RANBP17: variants seen among roughly 807,000 people sequenced by gnomAD.
RANBP17 encodes RAN binding protein 17, also known as ran-binding protein 17.
RANBP17 carries 158 observed loss-of-function variants against 141.2 expected under a neutral mutation model. That is an observed-to-expected ratio of 1.12 (90% CI 0.98 to 1.28). The LOEUF (loss-of-function observed/expected upper bound fraction) is 1.28. RANBP17 is among the 50% of genes most tolerant of loss of function. RANBP17 has a pLI of 0.00. For missense variants in RANBP17, 1,438 were observed against 1,290.7 expected (o/e 1.11, Z -1.75); for synonymous variants, 430 against 450.0 (o/e 0.96, Z 0.56).
At chr5:170,952,757 A>G (rs896215804) in intron 12 of RANBP17, among the ~76,000 whole-genome samples, 5 of 152,078 alleles carry the variant, frequency 3.3e-5, no homozygotes, top group African/African-American at 4.8e-5. Flanking sequence ...GAATAGCATA[A>G]AATTTGTTTT....
chr5:171,161,061 G>A (rs1385614879), intron 14 of RANBP17, among the ~76,000 whole-genome samples: 1 of 152,096 alleles, frequency 6.6e-6, no homozygotes, highest in Admixed American at 6.5e-5. Context: ...TAAAGTGCTG[G>A]GATTACAGGC....
intron 14 of RANBP17, among the ~76,000 whole-genome samples, chr5:170,987,466 A>G (rs1048053639): frequency 6.6e-6 from 1 of 151,598 alleles, no homozygotes; most frequent in Non-Finnish European, 1.5e-5. Context: ...TTTATTGTTC[A>G]GGGATTTGTT....
intron 14 of RANBP17, among the ~76,000 whole-genome samples, chr5:171,007,668 C>T (rs986529994): frequency 2.6e-5 from 4 of 151,972 alleles, no homozygotes; most frequent in Non-Finnish European, 5.9e-5. Context: ...GCCCATTTTT[C>T]GACAAAAATT....
chr5:170,966,658 A>C (rs1028497895), intron 13 of RANBP17, among the ~76,000 whole-genome samples: 3 of 151,696 alleles, frequency 2.0e-5, no homozygotes, highest in African/African-American at 4.8e-5. Flanking sequence ...CTCTCTCACC[A>C]CTCCTATTCA....
chr5:171,238,685 T>G (rs1764690195), intron 22 of RANBP17, among the ~76,000 whole-genome samples: 1 of 152,184 alleles, frequency 6.6e-6, no homozygotes, highest in African/African-American at 2.4e-5. Flanking sequence ...TAAATTGAAT[T>G]TGAGGCAAAG....
chr5:171,067,739 A>G (rs1387953726), intron 14 of RANBP17, among the ~76,000 whole-genome samples: 1 of 151,972 alleles, frequency 6.6e-6, no homozygotes, highest in South Asian at 2.1e-4. Flanking sequence ...ATGTTTTCTG[A>G]TGAGAAACCT....
chr5:171,158,029 A>G (rs1176997143), intron 14 of RANBP17, among the ~76,000 whole-genome samples: 1 of 152,226 alleles, frequency 6.6e-6, no homozygotes, highest in Non-Finnish European at 1.5e-5. Flanking sequence ...ATTACAGGCA[A>G]TGCTTCCAGT....
At chr5:171,088,391 T>C (rs987768242) in intron 14 of RANBP17, among the ~76,000 whole-genome samples, 3 of 152,148 alleles carry the variant, frequency 2.0e-5, no homozygotes, top group Non-Finnish European at 2.9e-5. Context: ...TGGCTGCCCT[T>C]AACATTTTTT....
chr5:171,238,820 ATTATCCTTCAAAC>A (rs1332499551), intron 22 of RANBP17, among the ~76,000 whole-genome samples: 1 of 152,166 alleles, frequency 6.6e-6, no homozygotes, highest in Non-Finnish European at 1.5e-5. Flanking sequence ...GGCAACTTCA[ATTATCCTTCAAAC>A]TTAGCCTGTT....
intron 14 of RANBP17, among the ~76,000 whole-genome samples, chr5:171,112,154 A>G (rs1483033825): frequency 6.6e-6 from 1 of 152,118 alleles, no homozygotes; most frequent in Non-Finnish European, 1.5e-5. Flanking sequence ...ATTGTGAGCC[A>G]TGGTGGATAC....
chr5:171,001,852 A>C (rs1289592025), intron 14 of RANBP17, among the ~76,000 whole-genome samples: 1 of 152,144 alleles, frequency 6.6e-6, no homozygotes, highest in East Asian at 1.9e-4. Flanking sequence ...AAGGGAAGAA[A>C]TGACCGCAGT....
intron 22 of RANBP17, among the ~76,000 whole-genome samples, chr5:171,239,980 C>G (rs1764766269): frequency 1.3e-5 from 2 of 152,136 alleles, no homozygotes; most frequent in Non-Finnish European, 2.9e-5. Context: ...AATTCTAGCC[C>G]ACAACCATAA....
chr5:171,161,111 C>A (rs1759318227), intron 14 of RANBP17, among the ~76,000 whole-genome samples: 1 of 152,134 alleles, frequency 6.6e-6, no homozygotes, highest in Non-Finnish European at 1.5e-5. Flanking sequence ...AAAAATCATT[C>A]TGTCAAATAT....
chr5:170,912,284 A>G (rs1220163145), intron 7 of RANBP17, among the ~76,000 whole-genome samples: 1 of 151,968 alleles, frequency 6.6e-6, no homozygotes, highest in East Asian at 1.9e-4. Flanking sequence ...GGAAATCTGA[A>G]TAAGATTGTG....
chr5:171,051,786 T>C (rs1451609868), intron 14 of RANBP17, among the ~76,000 whole-genome samples: 1 of 152,146 alleles, frequency 6.6e-6, no homozygotes, highest in East Asian at 1.9e-4. Context: ...ATATGGTAAT[T>C]CTTTAACTGA....
intron 14 of RANBP17, among the ~76,000 whole-genome samples, chr5:171,150,061 G>C (rs1758361666): frequency 6.6e-6 from 1 of 152,100 alleles, no homozygotes; most frequent in Non-Finnish European, 1.5e-5. Context: ...TGCTTTTCTT[G>C]TATTCAGATT....
At chr5:170,897,224 C>G in intron 5 of RANBP17, 1 of 664,174 alleles carries the variant, frequency 1.5e-6, no homozygotes, top group Admixed American at 1.8e-5. Flanking sequence ...TTTTGGCAGT[C>G]TGTATCAAGA....
chr5:171,236,633 A>AG, intron 22 of RANBP17, among the ~76,000 whole-genome samples: 1 of 152,164 alleles, frequency 6.6e-6, no homozygotes, highest in South Asian at 2.1e-4. Context: ...GTGAACTTAC[A>AG]GGAAAAAAAA....
chr5:171,246,463 T>A (rs1299239285), intron 24 of RANBP17, among the ~76,000 whole-genome samples: 1 of 152,230 alleles, frequency 6.6e-6, no homozygotes, highest in Non-Finnish European at 1.5e-5. Context: ...CTGTACTGCT[T>A]GTTGTACAAT....
Sources: gnomAD v4.1 joint callset for allele counts (sites outside exome capture counted in the v4.1 genomes callset) on GRCh38, gnomAD v4.1.1 for gene constraint, MANE v1.5 for transcripts, NCBI Gene and HGNC (gene_info 2026-07-23, HGNC 2026-07-21) for gene names.